The following SGCZ variants were observed in gnomAD, a reference collection of about 807,000 sequenced individuals.
SGCZ encodes sarcoglycan zeta, also known as zeta-sarcoglycan.
SGCZ carries 40 observed loss-of-function variants against 41.3 expected under a neutral mutation model. The ratio of observed to expected loss-of-function variants is 0.97; its 90% CI spans 0.75 to 1.26. The LOEUF (loss-of-function observed/expected upper bound fraction) is 1.26. Among genes scored for constraint, SGCZ ranks in the 50% most tolerant of loss-of-function variants. SGCZ has a pLI of 0.00. For synonymous variants in SGCZ, 206 were observed against 137.5 expected, an observed-to-expected ratio of 1.50 and a Z score of -3.49; for missense variants, 552 against 369.8, an observed-to-expected ratio of 1.49 and a Z score of -4.04.
Position 15,192,855 on chromosome 8 carries a change from G to C in SGCZ, c.39+44730C>G, listed in dbSNP as rs372197266. On this transcript the variant is annotated intron_variant, in intron 1 of 7. Transcript: ENST00000382080. ...CAAGAAAACAAAAGCAGCCTAACCA[G>C]TTTTGTTTTATTTTAGATATACAGA... Among the ~76,000 whole-genome samples the C allele has an allele frequency of 1.3e-4, 20 of 152,096 alleles. No homozygotes were observed. In the East Asian group the frequency reaches 2.3e-3, roughly 18 times the overall value.
chr8:14,612,097 C>G (rs1412721363), intron 1 of SGCZ, among the ~76,000 whole-genome samples: 1 of 152,162 alleles, frequency 6.6e-6, no homozygotes, highest in Non-Finnish European at 1.5e-5. Context: ...AAACGTATGT[C>G]TTTCTATGCA....
chr8:14,465,412 C>T (rs963078183), intron 2 of SGCZ, among the ~76,000 whole-genome samples: 4 of 151,568 alleles, frequency 2.6e-5, no homozygotes, highest in African/African-American at 9.7e-5. Context: ...TTATTTTCCA[C>T]CTTTCACTTT....
intron 1 of SGCZ, among the ~76,000 whole-genome samples, chr8:15,033,675 T>C (rs187433909): frequency 6.6e-6 from 1 of 152,158 alleles, no homozygotes; most frequent in Non-Finnish European, 1.5e-5. Flanking sequence ...GACCTAGGCA[T>C]AAGGCTTATC....
intron 1 of SGCZ, among the ~76,000 whole-genome samples, chr8:14,649,802 A>C (rs1264641014): frequency 6.6e-6 from 1 of 152,048 alleles, no homozygotes; most frequent in East Asian, 1.9e-4. Context: ...CACAGGAATA[A>C]ATTGTACTTC....
intron 1 of SGCZ, among the ~76,000 whole-genome samples, chr8:14,726,113 G>T (rs1810040547): frequency 6.6e-6 from 1 of 151,448 alleles, no homozygotes; most frequent in Non-Finnish European, 1.5e-5. Context: ...AAAAAATTTA[G>T]CCAGGCGTGG....
At chr8:14,866,426 A>T (rs1280892303) in intron 1 of SGCZ, among the ~76,000 whole-genome samples, 1 of 152,060 alleles carries the variant, frequency 6.6e-6, no homozygotes, top group Non-Finnish European at 1.5e-5. Flanking sequence ...TTATTCTGGT[A>T]CTATGACTAT....
At chr8:15,028,058 C>T (rs976313023) in intron 1 of SGCZ, among the ~76,000 whole-genome samples, 1 of 152,060 alleles carries the variant, frequency 6.6e-6, no homozygotes, top group African/African-American at 2.4e-5. Flanking sequence ...TTACCACTGC[C>T]TTCCGCATTC....
At chr8:14,781,968 T>G (rs1800602553) in intron 1 of SGCZ, among the ~76,000 whole-genome samples, 1 of 152,160 alleles carries the variant, frequency 6.6e-6, no homozygotes, top group Admixed American at 6.5e-5. Context: ...TTTTGCAACA[T>G]CATAAAGTCA....
chr8:15,003,695 A>G (rs1261733992), intron 1 of SGCZ, among the ~76,000 whole-genome samples: 1 of 152,160 alleles, frequency 6.6e-6, no homozygotes, highest in Non-Finnish European at 1.5e-5. Context: ...ATATATAAAG[A>G]TCCAACTGGA....
At chr8:15,080,605 A>T (rs55793257) in intron 1 of SGCZ, among the ~76,000 whole-genome samples, 18,863 of 151,784 alleles carry the variant, frequency 0.12, 2,012 homozygotes, top group East Asian at 0.28. Context: ...TTATTTATTT[A>T]TTTTGAGACA....
At chr8:14,607,690 A>G (rs542876303) in intron 1 of SGCZ, among the ~76,000 whole-genome samples, 28 of 151,668 alleles carry the variant, frequency 1.8e-4, no homozygotes, top group African/African-American at 6.5e-4. Context: ...ATTGATCTCA[A>G]CTCGTGGGAT....
chr8:15,103,338 C>A (rs1042954373), intron 1 of SGCZ, among the ~76,000 whole-genome samples: 10 of 151,852 alleles, frequency 6.6e-5, no homozygotes, highest in African/African-American at 2.4e-4. Context: ...GAGGCAGAGG[C>A]TGCAGTGAGC....
chr8:15,088,942 T>G (rs1428161917), intron 1 of SGCZ, among the ~76,000 whole-genome samples: 1 of 152,220 alleles, frequency 6.6e-6, no homozygotes. Context: ...CCTTAGAATT[T>G]AATGACGTCA....
At chr8:14,662,790 T>C (rs1196413754) in intron 1 of SGCZ, among the ~76,000 whole-genome samples, 2 of 152,146 alleles carry the variant, frequency 1.3e-5, no homozygotes, top group Admixed American at 6.6e-5. Context: ...ACAAGGGTCC[T>C]TGGAAGTGGA....
At chr8:14,494,167 A>G (rs983017123) in intron 2 of SGCZ, among the ~76,000 whole-genome samples, 1 of 152,184 alleles carries the variant, frequency 6.6e-6, no homozygotes, top group Non-Finnish European at 1.5e-5. Context: ...TCTGATAAAC[A>G]ACACAGAAAA....
chr8:14,835,073 T>G (rs1802652001), intron 1 of SGCZ, among the ~76,000 whole-genome samples: 1 of 152,226 alleles, frequency 6.6e-6, no homozygotes, highest in Non-Finnish European at 1.5e-5. Context: ...TATAATTTCC[T>G]GTGAAATAGT....
intron 2 of SGCZ, among the ~76,000 whole-genome samples, chr8:14,509,524 G>T (rs1461877): frequency 1 from 152,169 of 152,304 alleles, 76,017 homozygotes; most frequent in Non-Finnish European, 1. Context: ...ACTTTGCACT[G>T]CTACACACAA....
intron 1 of SGCZ, among the ~76,000 whole-genome samples, chr8:14,672,601 G>A (rs1808140032): frequency 6.6e-6 from 1 of 152,128 alleles, no homozygotes; most frequent in African/African-American, 2.4e-5. Flanking sequence ...GGTTGGAGCA[G>A]GAAGTAACTA....
At chr8:14,496,864 T>C (rs1333428153) in intron 2 of SGCZ, among the ~76,000 whole-genome samples, 2 of 152,228 alleles carry the variant, frequency 1.3e-5, no homozygotes, top group South Asian at 4.1e-4. Context: ...TAAAGAGTAT[T>C]ATGATATACA....
Sources: gnomAD v4.1 joint callset for allele counts (sites outside exome capture counted in the v4.1 genomes callset) on GRCh38, gnomAD v4.1.1 for gene constraint, MANE v1.5 for transcripts, NCBI Gene and HGNC (gene_info 2026-07-23, HGNC 2026-07-21) for gene names.